SQOR: variants seen among roughly 807,000 people sequenced by gnomAD.
SQOR encodes the protein sulfide:quinone oxidoreductase, mitochondrial.
A neutral mutation model predicts 48.6 loss-of-function variants in SQOR; 39 were observed. The observed-to-expected ratio is 0.80, with a 90% CI of 0.62 to 1.05. The LOEUF is 1.05. Ranked by LOEUF, SQOR falls within the 50% of genes least tolerant of loss-of-function variation. The probability of loss-of-function intolerance (pLI) is 0.00; values close to 1 mark genes in which losing one functional copy is unlikely to be tolerated. For synonymous variants in SQOR, 220 were observed against 206.2 expected (o/e 1.07, Z -0.57); for missense variants, 561 against 559.9 (o/e 1.00, Z -0.02).
At chr15:45,671,329 A>AT (rs893757695) in intron 4 of SQOR, among the ~76,000 whole-genome samples, 17 of 151,668 alleles carry the variant, frequency 1.1e-4, no homozygotes, top group Admixed American at 2.0e-4. Context: ...TAATTTTTGT[A>AT]TTTTTTTTAG....
chr15:45,649,423 T>C (rs1889417884), intron 1 of SQOR, among the ~76,000 whole-genome samples: 1 of 152,248 alleles, frequency 6.6e-6, no homozygotes, highest in African/African-American at 2.4e-5. Context: ...ATAAAATATA[T>C]TGCATGTGCC....
At chr15:45,684,193 G>A (rs953527412) in intron 7 of SQOR, among the ~76,000 whole-genome samples, 9 of 152,110 alleles carry the variant, frequency 5.9e-5, no homozygotes, top group African/African-American at 9.7e-5. Context: ...GATTACAGGC[G>A]TGAGCCACCA....
chr15:45,688,268 A>C, intron 7 of SQOR, 69 bp from the exon 8 acceptor site: 1 of 1,097,272 alleles, frequency 9.1e-7, no homozygotes, highest in Non-Finnish European at 1.4e-6. Flanking sequence ...CATTAAAGTT[A>C]TTTGCAAATT....
Position 45,673,595 on chromosome 15 carries a change from A to T in SQOR, c.460-12A>T, listed in dbSNP as rs1201775217. 1 of 1,606,098 alleles carries T rather than the reference A, an allele frequency of 6.2e-7. No homozygotes were observed. Among genetic ancestry groups the T allele is most frequent in the Admixed American group, 1.7e-5 (1 of 58,524 alleles). On this transcript the variant is annotated splice_polypyrimidine_tract_variant and intron_variant, in intron 4 of 9. Coordinates refer to ENST00000260324, the MANE Select transcript of SQOR (RefSeq NM_021199.4). The stretch of plus-strand genomic sequence containing the variant: ...CTTTTGTTTAAAATAATTTTTGTGT[A>T]CTTTGTTGCAGATTAAAGGCCTACC...
At chr15:45,647,443 C>T (rs2140940485) in intron 1 of SQOR, among the ~76,000 whole-genome samples, 1 of 151,268 alleles carries the variant, frequency 6.6e-6, no homozygotes, top group African/African-American at 2.4e-5. Flanking sequence ...TCTCCTGCCT[C>T]AGCCTCCCTA....
chr15:45,667,134 T>TCTCCCCTCCC (rs1365323558), intron 3 of SQOR, among the ~76,000 whole-genome samples: 1 of 37,380 alleles, frequency 2.7e-5, no homozygotes, highest in Non-Finnish European at 4.9e-5. Flanking sequence ...CCTTCCCTCC[T>TCTCCCCTCCC]CTCCCCTCCC....
At chr15:45,648,500 T>A (rs1889393570) in intron 1 of SQOR, among the ~76,000 whole-genome samples, 1 of 152,200 alleles carries the variant, frequency 6.6e-6, no homozygotes, top group Non-Finnish European at 1.5e-5. Flanking sequence ...TCCTACCAAA[T>A]CCTGTCTTCT....
chr15:45,642,015 T>C (rs1895113293), intron 1 of SQOR, among the ~76,000 whole-genome samples: 1 of 152,206 alleles, frequency 6.6e-6, no homozygotes, highest in African/African-American at 2.4e-5. Flanking sequence ...ATTCCTGGTC[T>C]TTCCTGTTAT....
intron 3 of SQOR, among the ~76,000 whole-genome samples, chr15:45,662,480 A>G (rs1004511403): frequency 2.0e-5 from 3 of 152,276 alleles, no homozygotes; most frequent in Middle Eastern, 3.4e-3. Context: ...TTCTGAAGCA[A>G]TCAGATTTTC....
At chr15:45,683,766 A>G (rs1041076225) in intron 7 of SQOR, among the ~76,000 whole-genome samples, 1 of 152,036 alleles carries the variant, frequency 6.6e-6, no homozygotes, top group Non-Finnish European at 1.5e-5. Flanking sequence ...ATACTCATAT[A>G]CCCTTCAGGT....
intron 1 of SQOR, among the ~76,000 whole-genome samples, chr15:45,651,363 C>CG (rs1171233646): frequency 1.3e-5 from 2 of 152,198 alleles, no homozygotes; most frequent in African/African-American, 4.8e-5. Flanking sequence ...TCGCTGGCAG[C>CG]CCCGGTTCCC....
intron 7 of SQOR, among the ~76,000 whole-genome samples, chr15:45,684,616 T>C (rs1238507464): frequency 1.3e-5 from 2 of 152,034 alleles, no homozygotes; most frequent in Non-Finnish European, 1.5e-5. Flanking sequence ...CTCTCTCTTT[T>C]TTTTTCATTG....
intron 5 of SQOR, 46 bp from the exon 6 acceptor site, chr15:45,676,055 A>T (rs1890030050): frequency 1.3e-6 from 2 of 1,506,984 alleles, no homozygotes; most frequent in South Asian, 2.4e-5. Flanking sequence ...AAAAAAAGGC[A>T]GCTGCAGTCA....
intron 9 of SQOR, among the ~76,000 whole-genome samples, chr15:45,689,836 G>A (rs1252864376): frequency 6.6e-6 from 1 of 152,080 alleles, no homozygotes; most frequent in African/African-American, 2.4e-5. Flanking sequence ...GAAGTCATTA[G>A]CAGTGTCATT....
At chr15:45,646,069 T>C (rs1361278541) in intron 1 of SQOR, 2 of 152,252 alleles carry the variant, frequency 1.3e-5, no homozygotes, top group African/African-American at 4.8e-5. Context: ...TCTAATTTTG[T>C]ATTGGTAATT....
At chr15:45,657,672 T>G (rs1260662561) in intron 1 of SQOR, among the ~76,000 whole-genome samples, 2 of 152,120 alleles carry the variant, frequency 1.3e-5, no homozygotes, top group Admixed American at 1.3e-4. Flanking sequence ...TCCAAGGCCT[T>G]TCTTTCTTTT....
At chr15:45,688,258 C>T (rs1890256736) in intron 7 of SQOR, 79 bp from the exon 8 acceptor site, 1 of 994,960 alleles carries the variant, frequency 1.0e-6, no homozygotes. Flanking sequence ...TTCTTGTTTA[C>T]ATTAAAGTTA....
chr15:45,659,176 G>A lies in SQOR; in HGVS notation c.234+19G>A. The stretch of plus-strand genomic sequence containing the variant: ...CAGTGAGGTAAGCCTCCCCTTTTGA[G>A]GGCCTGGGTGTGTGTGTACGTGTGT... On this transcript the variant is annotated intron_variant, in intron 2 of 9. Coordinates refer to ENST00000260324, the MANE Select transcript of SQOR (RefSeq NM_021199.4). 1 of 1,493,280 alleles carries A rather than the reference G, an allele frequency of 6.7e-7. No individual in the cohort carries two copies. The highest frequency in any genetic ancestry group is 1.3e-5 in the South Asian group (1 of 75,106). The allele number at this position is 1,493,280 out of a possible 1,614,324, so 92.5% of individuals were successfully genotyped here.
At chr15:45,643,625 A>T (rs1895144742) in intron 1 of SQOR, among the ~76,000 whole-genome samples, 1 of 152,238 alleles carries the variant, frequency 6.6e-6, no homozygotes, top group East Asian at 1.9e-4. Flanking sequence ...TTGCGCAGGT[A>T]AAAATTCTCC....
Sources: allele counts gnomAD v4.1 joint callset (sites outside exome capture counted in the v4.1 genomes callset), GRCh38; gene constraint gnomAD v4.1.1; transcripts MANE v1.5; gene names NCBI Gene and HGNC (gene_info 2026-07-23, HGNC 2026-07-21).